ACVR1B: variants seen among roughly 807,000 people sequenced by gnomAD.
The protein encoded by ACVR1B is activin receptor type-1B.
Under a neutral mutation model 55.6 loss-of-function variants are expected in ACVR1B, and 15 were observed. That is an observed-to-expected ratio of 0.27 (90% CI 0.18 to 0.42). ACVR1B has a LOEUF of 0.42. Among genes scored for constraint, ACVR1B ranks in the 10% least tolerant of loss-of-function variants. The pLI is 1.00. For synonymous variants in ACVR1B, 247 were observed against 254.6 expected, an observed-to-expected ratio of 0.97 and a Z score of 0.28; for missense variants, 359 against 670.1, an observed-to-expected ratio of 0.54 and a Z score of 5.13.
At chr12:51,979,810 C>T (rs1357582366) in intron 3 of ACVR1B, among the ~76,000 whole-genome samples, 3 of 152,092 alleles carry the variant, frequency 2.0e-5, no homozygotes, top group African/African-American at 7.2e-5. Context: ...AATTCATTCA[C>T]TACCAGCCTT....
chr12:51,977,217 G>A (rs1941876750), intron 3 of ACVR1B, among the ~76,000 whole-genome samples: 2 of 152,280 alleles, frequency 1.3e-5, no homozygotes, highest in Middle Eastern at 3.4e-3. Flanking sequence ...AGGAGCTCGG[G>A]GTTGTTTAGG....
intron 7 of ACVR1B, among the ~76,000 whole-genome samples, chr12:51,990,781 C>T (rs1942174847): frequency 6.6e-6 from 1 of 152,136 alleles, no homozygotes; most frequent in African/African-American, 2.4e-5. Flanking sequence ...TTTTTCTTCC[C>T]ACTCTGTTTT....
chr12:51,982,906 C>A, intron 4 of ACVR1B: 1 of 1,242,132 alleles, frequency 8.1e-7, no homozygotes, highest in Non-Finnish European at 1.0e-6. Flanking sequence ...AACTTGTTAG[C>A]AGGGTCCTCA....
At chr12:51,951,926 C>T (rs1156462267) in intron 1 of ACVR1B, 92 bp downstream of exon 1, 4 of 777,788 alleles carry the variant, frequency 5.1e-6, no homozygotes, top group Admixed American at 9.7e-5. Context: ...CAGCGCGCCC[C>T]CTCCCCACGA....
At chr12:51,955,756 A>G (rs1941395077) in intron 1 of ACVR1B, among the ~76,000 whole-genome samples, 2 of 152,200 alleles carry the variant, frequency 1.3e-5, no homozygotes, top group South Asian at 4.1e-4. Flanking sequence ...TGTATTCATA[A>G]AAAGGGAATC....
At chr12:51,969,879 T>C (rs902030891) in intron 1 of ACVR1B, among the ~76,000 whole-genome samples, 1 of 152,024 alleles carries the variant, frequency 6.6e-6, no homozygotes, top group African/African-American at 2.4e-5. Flanking sequence ...CTGGGCAACA[T>C]AGCAAGACCC....
rs1941296494 is a variant in ACVR1B at position 51,951,711 on chromosome 12, G to A, written c.-33G>A. The A allele has an allele frequency of 1.9e-6, 2 of 1,038,786 alleles. No homozygotes were observed. The highest frequency in any genetic ancestry group is 2.3e-6 in the Non-Finnish European group (2 of 865,922). 64.3% of individuals were successfully genotyped at this position (1,038,786 alleles called of 1,614,324 possible). ...GCGCGCGCGCGCTGGGCGCTGCTGG[G>A]CTGCGGCGGCGGCGGCGGCGGCGGT... On this transcript the variant is annotated 5_prime_UTR_variant, in exon 1 of 9. Coordinates refer to ENST00000257963, the MANE Select transcript of ACVR1B (RefSeq NM_004302.5).
In ACVR1B at chr12:51,980,883, G is replaced by A. The variant is rs900379782; in HGVS notation, c.581-86G>A. On this transcript the variant is annotated intron_variant, in intron 3 of 8. Coordinates refer to ENST00000257963, the MANE Select transcript of ACVR1B (RefSeq NM_004302.5). Reference sequence around the variant, plus strand: ...GTAGGATGAAGACACCATGTTAAGGGTGTTTCCGTTGTGCCAATTAGTGTG... The same window carrying A: ...GTAGGATGAAGACACCATGTTAAGGATGTTTCCGTTGTGCCAATTAGTGTG... 14 of 1,100,180 alleles carry A rather than the reference G, an allele frequency of 1.3e-5. No individual in the cohort carries two copies. The African/African-American group carries it at 1.9e-4, about 15-fold the overall frequency. The allele number at this position is 1,100,180 out of a possible 1,614,324, so 68.2% of individuals were successfully genotyped here. A position where few individuals can be genotyped will look rare whatever the true frequency, so the allele number is the denominator to read the frequency against.
chr12:51,988,029 A>C (rs1246453539), intron 7 of ACVR1B, among the ~76,000 whole-genome samples: 1 of 152,248 alleles, frequency 6.6e-6, no homozygotes, highest in Non-Finnish European at 1.5e-5. Flanking sequence ...AAATATGACA[A>C]GTCTTCCAGC....
intron 4 of ACVR1B, among the ~76,000 whole-genome samples, chr12:51,983,006 G>C (rs542517915): frequency 6.6e-6 from 1 of 152,314 alleles, no homozygotes; most frequent in Non-Finnish European, 1.5e-5. Context: ...TGTGTTTCCA[G>C]GATCCATCCC....
intron 1 of ACVR1B, among the ~76,000 whole-genome samples, chr12:51,972,248 T>C (rs1941758746): frequency 6.6e-6 from 1 of 152,124 alleles, no homozygotes; most frequent in South Asian, 2.1e-4. Flanking sequence ...CTCTAAAAAA[T>C]AGATATATAT....
chr12:51,954,565 T>A (rs1203247840), intron 1 of ACVR1B, among the ~76,000 whole-genome samples: 1 of 152,244 alleles, frequency 6.6e-6, no homozygotes, highest in Non-Finnish European at 1.5e-5. Context: ...TGATTAGTTT[T>A]GTTTAAACAG....
chr12:51,988,959 A>AT (rs781210022), intron 7 of ACVR1B, among the ~76,000 whole-genome samples: 34 of 152,306 alleles, frequency 2.2e-4, no homozygotes, highest in Non-Finnish European at 4.4e-4. Flanking sequence ...CTTTACAAAA[A>AT]TAAAAAAATT....
At chr12:51,992,556 A>G (rs1032489772) in intron 8 of ACVR1B, among the ~76,000 whole-genome samples, 3 of 152,244 alleles carry the variant, frequency 2.0e-5, no homozygotes, top group African/African-American at 4.8e-5. Context: ...GAGGTGGTCA[A>G]CAAGTGACAA....
At chr12:51,965,500 A>G (rs191822745) in intron 1 of ACVR1B, among the ~76,000 whole-genome samples, 12 of 152,336 alleles carry the variant, frequency 7.9e-5, no homozygotes, top group Admixed American at 6.5e-4. Context: ...ATTTGATTCA[A>G]TGTCAGCAGC....
chr12:51,960,588 T>G (rs950929484), intron 1 of ACVR1B, among the ~76,000 whole-genome samples: 8 of 152,224 alleles, frequency 5.3e-5, no homozygotes, highest in African/African-American at 1.9e-4. Flanking sequence ...TTACTCTATG[T>G]AGTTATTCTT....
intron 1 of ACVR1B, among the ~76,000 whole-genome samples, chr12:51,959,192 G>A (rs1015932364): frequency 6.6e-6 from 1 of 152,164 alleles, no homozygotes; most frequent in Non-Finnish European, 1.5e-5. Flanking sequence ...TAGAATTAAG[G>A]TCTCAATCAG....
At chr12:51,954,762 G>C (rs1466712256) in intron 1 of ACVR1B, among the ~76,000 whole-genome samples, 1 of 152,192 alleles carries the variant, frequency 6.6e-6, no homozygotes, top group Non-Finnish European at 1.5e-5. Flanking sequence ...GAAATATTTT[G>C]TGTCACTCTT....
At chr12:51,988,236 C>T (rs1942119721) in intron 7 of ACVR1B, among the ~76,000 whole-genome samples, 1 of 152,178 alleles carries the variant, frequency 6.6e-6, no homozygotes, top group Admixed American at 6.5e-5. Context: ...TTTGGGAGGC[C>T]AAGGCAGGCG....
Sources: allele counts gnomAD v4.1 joint callset (sites outside exome capture counted in the v4.1 genomes callset), GRCh38; gene constraint gnomAD v4.1.1; transcripts MANE v1.5; gene names NCBI Gene and HGNC (gene_info 2026-07-23, HGNC 2026-07-21).